FANCD2: variants seen among roughly 807,000 people sequenced by gnomAD.
FANCD2 encodes the protein Fanconi anemia group D2 protein.
FANCD2 carries 131 observed loss-of-function variants against 192.3 expected under a neutral mutation model. The observed-to-expected ratio is 0.68, with a 90% CI of 0.59 to 0.79. The LOEUF (loss-of-function observed/expected upper bound fraction) is 0.79. Among genes scored for constraint, FANCD2 ranks in the 30% least tolerant of loss-of-function variants. FANCD2 has a pLI of 0.00. For missense variants in FANCD2, 1,508 were observed against 1,701.6 expected (o/e 0.89, Z 2.00); for synonymous variants, 524 against 612.5 (o/e 0.86, Z 2.13).
intron 13 of FANCD2, 71 bp from the exon 14 acceptor site, chr3:10,043,758 A>G (rs2086925995): frequency 7.3e-7 from 1 of 1,368,116 alleles, no homozygotes; most frequent in South Asian, 1.2e-5. Flanking sequence ...ATAACAGGGC[A>G]TGCTGAATAA....
At chr3:10,039,617 C>T in intron 8 of FANCD2, 104 bp from the exon 9 acceptor site, 1 of 1,282,138 alleles carries the variant, frequency 7.8e-7, no homozygotes, top group East Asian at 2.3e-5. Flanking sequence ...AGATAAATGA[C>T]TGTGTTTATT....
chr3:10,093,340 G>A lies in FANCD2; in HGVS notation c.3888+17G>A. On this transcript the variant is annotated intron_variant, in intron 39 of 43. Transcript: ENST00000675286. ...TGTTTGAAGGTGAGAGATTTACTGG[G>A]CCCTGTTTCATATTTATTCTTCCTG... 1.9e-6 allele frequency: 3 copies of A among 1,599,908 alleles called. No individual in the cohort carries two copies. The highest frequency in any genetic ancestry group is 2.6e-6 in the Non-Finnish European group (3 of 1,167,040).
chr3:10,097,032 G>A (rs958481357), intron 42 of FANCD2, among the ~76,000 whole-genome samples: 1 of 152,180 alleles, frequency 6.6e-6, no homozygotes, highest in Non-Finnish European at 1.5e-5. Flanking sequence ...GATAGGATCC[G>A]TGATGCCCCA....
chr3:10,031,200 T>C (rs574766679), intron 2 of FANCD2, among the ~76,000 whole-genome samples: 2 of 152,164 alleles, frequency 1.3e-5, no homozygotes, highest in South Asian at 4.1e-4. Flanking sequence ...TGATTAAGGC[T>C]TTATTAGAAA....
At chr3:10,082,757 G>A (rs896813774) in intron 32 of FANCD2, among the ~76,000 whole-genome samples, 27 of 152,068 alleles carry the variant, frequency 1.8e-4, no homozygotes, top group African/African-American at 6.0e-4. Context: ...TCTGGTATCC[G>A]TTCGTGATAA....
intron 21 of FANCD2, among the ~76,000 whole-genome samples, chr3:10,064,120 T>G (rs4019781): frequency 6.6e-6 from 1 of 152,224 alleles, no homozygotes; most frequent in Non-Finnish European, 1.5e-5. Context: ...AAGAAGAGAT[T>G]GACTTTGTTA....
intron 2 of FANCD2, among the ~76,000 whole-genome samples, chr3:10,031,349 A>C (rs1371385722): frequency 6.6e-6 from 1 of 152,004 alleles, no homozygotes; most frequent in Non-Finnish European, 1.5e-5. Context: ...TAAAAATACA[A>C]AAAATTAGCC....
At chr3:10,059,392 T>G (rs2087498916) in intron 18 of FANCD2, among the ~76,000 whole-genome samples, 1 of 152,242 alleles carries the variant, frequency 6.6e-6, no homozygotes, top group Non-Finnish European at 1.5e-5. Context: ...AACATTATGA[T>G]AATTTTCATA....
chr3:10,036,366 A>G, intron 7 of FANCD2, 27 bp downstream of exon 7: 2 of 1,551,324 alleles, frequency 1.3e-6, no homozygotes, highest in Non-Finnish European at 1.8e-6. Context: ...TGGAATGTTC[A>G]AAGTACCCTG....
chr3:10,055,169 A>T (rs956658120), intron 18 of FANCD2, among the ~76,000 whole-genome samples: 18 of 152,238 alleles, frequency 1.2e-4, no homozygotes, highest in Admixed American at 1.0e-3. Context: ...GATAAAATAT[A>T]CATAATATAA....
At chr3:10,051,235 G>T (rs1166584880) in intron 17 of FANCD2, among the ~76,000 whole-genome samples, 2 of 149,060 alleles carry the variant, frequency 1.3e-5, no homozygotes, top group Non-Finnish European at 3.0e-5. Context: ...AAAAAAATTA[G>T]CCGGGCGTAG....
At chr3:10,096,587 C>CT in intron 42 of FANCD2, 115 bp downstream of exon 42, 1 of 968,384 alleles carries the variant, frequency 1.0e-6, no homozygotes, top group South Asian at 1.3e-5. Context: ...CTACTTTTCT[C>CT]TTAAGTCTGT....
rs759557989 is a variant in FANCD2, at chr3:10,042,606, T to C, written c.831T>C (p.Asp277=). ...AGTTGTCGTCTATTAGATTGGAGGA[T>C]TTACCTGTGATAATAAAGTTCATTC... ...MDKLSSIRLE[D]LPVIIKFILH... Residue 277 remains aspartate (D), a synonymous_variant, in exon 11 of 44, where the codon GAT becomes GAC. Transcript: ENST00000675286. 5.0e-6 allele frequency: 8 copies of C among 1,614,034 alleles called. No homozygotes were observed. The highest frequency in any genetic ancestry group is 5.9e-6 in the Non-Finnish European group (7 of 1,179,974).
At chr3:10,085,959 A>G in intron 33 of FANCD2, 37 bp downstream of exon 33, 1 of 1,388,082 alleles carries the variant, frequency 7.2e-7, no homozygotes, top group Non-Finnish European at 1.0e-6. Flanking sequence ...TGTTGTCCCA[A>G]GAAACTCCTA....
At position 10,060,332 on chromosome 3, in the gene FANCD2, C is replaced by T. The variant is rs2125026661; in HGVS notation, c.1695C>T (p.Ser565=). 6.2e-7 allele frequency: 1 copy of T among 1,613,078 alleles called. No homozygotes were observed. The highest frequency in any genetic ancestry group is 8.5e-7 in the Non-Finnish European group (1 of 1,179,984). Residue 565 remains serine, a synonymous_variant, in exon 19 of 44, where the codon AGC becomes AGT. Coordinates refer to ENST00000675286, the MANE Select transcript of FANCD2 (RefSeq NM_001018115.3). ...TGGTGATAAGAAAGCAGCTCTCTAG[C>T]ACCGTATTCAAGTACAAGCTCATTG... is the stretch of plus-strand genomic sequence containing the variant. ...MHLVIRKQLS[S]TVFKYKLIGI... is the part of the protein sequence containing the mutation.
chr3:10,069,384 G>A (rs576792872), intron 26 of FANCD2, among the ~76,000 whole-genome samples: 7 of 152,014 alleles, frequency 4.6e-5, no homozygotes, highest in South Asian at 2.1e-4. Context: ...ATGTGAAAAG[G>A]TGCTCAACAT....
chr3:10,050,762 C>G (rs1051690248), intron 17 of FANCD2, among the ~76,000 whole-genome samples: 4 of 151,712 alleles, frequency 2.6e-5, no homozygotes, highest in African/African-American at 9.7e-5. Context: ...TAAAGGATGT[C>G]AGGTAGCAAA....
rs34316435 is a variant in FANCD2, at chr3:10,074,128, T to G, written c.2716-402T>G. The stretch of plus-strand genomic sequence containing the variant: ...AGCCAGCTAATTTTTGTATTTTTAG[T>G]AGAGACGGGGTTTCACCATCTTGGC... On this transcript the variant is annotated intron_variant, in intron 28 of 43. Transcript: ENST00000675286. Among the ~76,000 whole-genome samples, 431 of 152,270 alleles carry G rather than the reference T, an allele frequency of 2.8e-3. 1 individual carries two copies. The highest frequency in any genetic ancestry group is 4.9e-3 in the Non-Finnish European group (335 of 68,030).
chr3:10,064,106 A>C (rs1315702785), intron 21 of FANCD2, among the ~76,000 whole-genome samples, 195 bp downstream of exon 21: 2 of 152,198 alleles, frequency 1.3e-5, no homozygotes, highest in African/African-American at 4.8e-5. Context: ...CAATCACGAT[A>C]GTAAAGAAGA....
Sources: allele counts gnomAD v4.1 joint callset (sites outside exome capture counted in the v4.1 genomes callset), GRCh38; gene constraint gnomAD v4.1.1; transcripts MANE v1.5; gene names NCBI Gene and HGNC (gene_info 2026-07-23, HGNC 2026-07-21).